The following TENM3 variants were observed in gnomAD, a reference collection of about 807,000 sequenced individuals.
The protein encoded by TENM3 is teneurin-3.
A neutral mutation model predicts 255.1 loss-of-function variants in TENM3; 63 were observed. That is an observed-to-expected ratio of 0.25 (90% CI 0.20 to 0.30). The LOEUF (loss-of-function observed/expected upper bound fraction) is 0.30. Among genes scored for constraint, TENM3 ranks in the 10% least tolerant of loss-of-function variants. TENM3 has a pLI of 1.00. For synonymous variants in TENM3, 1,306 were observed against 1,322.3 expected, an observed-to-expected ratio of 0.99 and a Z score of 0.27; for missense variants, 2,929 against 3,461.1, an observed-to-expected ratio of 0.85 and a Z score of 3.86.
chr4:181,749,129 A>C, the TENM3 span, among the ~76,000 whole-genome samples: 1 of 152,134 alleles, frequency 6.6e-6, no homozygotes, highest in Non-Finnish European at 1.5e-5. Context: ...GATTTCTAGG[A>C]AGAAAATACA....
At chr4:182,606,061 A>C (rs1160931579) in intron 4 of TENM3, among the ~76,000 whole-genome samples, 2 of 152,358 alleles carry the variant, frequency 1.3e-5, no homozygotes, top group Admixed American at 6.5e-5. Context: ...CATTTCTAAT[A>C]GTTTCTATTG....
intron 3 of TENM3, among the ~76,000 whole-genome samples, chr4:182,397,381 C>T (rs974443128): frequency 1.9e-5 from 2 of 107,666 alleles, no homozygotes; most frequent in African/African-American, 7.2e-5. Flanking sequence ...AGCCTGGTGA[C>T]AGAGCGAGAC....
chr4:181,720,546 C>T, the TENM3 span, among the ~76,000 whole-genome samples: 10 of 152,090 alleles, frequency 6.6e-5, no homozygotes, highest in Non-Finnish European at 1.5e-5. Flanking sequence ...CATTGACAAG[C>T]TGTATTTTAA....
the TENM3 span, among the ~76,000 whole-genome samples, chr4:181,842,208 G>A: frequency 1.3e-5 from 2 of 152,102 alleles, no homozygotes; most frequent in African/African-American, 4.8e-5. Context: ...AGGATTACCT[G>A]TGATCTTCCT....
chr4:181,708,481 C>T, the TENM3 span, among the ~76,000 whole-genome samples: 1 of 152,080 alleles, frequency 6.6e-6, no homozygotes, highest in South Asian at 2.1e-4. Context: ...ATCAATTCAA[C>T]CTTCATGAAG....
the TENM3 span, among the ~76,000 whole-genome samples, chr4:181,624,871 ACTCAC>A: frequency 2.0e-5 from 3 of 152,102 alleles, no homozygotes; most frequent in Non-Finnish European, 2.9e-5. Flanking sequence ...CCATGGGCTC[ACTCAC>A]CTCTCTGGTA....
At chr4:181,936,798 G>A in the TENM3 span, among the ~76,000 whole-genome samples, 1 of 151,822 alleles carries the variant, frequency 6.6e-6, no homozygotes, top group Non-Finnish European at 1.5e-5. Context: ...AAGACCCAAG[G>A]AAAGCCCAGG....
chr4:182,051,810 A>C, the TENM3 span, among the ~76,000 whole-genome samples: 1 of 152,196 alleles, frequency 6.6e-6, no homozygotes, highest in Non-Finnish European at 1.5e-5. Context: ...TGAAGATTTC[A>C]GAAGTTTTAA....
the TENM3 span, among the ~76,000 whole-genome samples, chr4:181,811,975 G>A: frequency 6.6e-6 from 1 of 152,118 alleles, no homozygotes; most frequent in African/African-American, 2.4e-5. Context: ...TAATGTTTAG[G>A]GCAAATATTG....
rs180885549 is a variant in TENM3 at position 182,401,881 on chromosome 4, T to C, written c.511+54952T>C. On this transcript the variant is annotated intron_variant, in intron 3 of 27. Transcript: ENST00000511685. The stretch of plus-strand genomic sequence containing the variant: ...TGCTGATGAAAACTTAATAAGGAAT[T>C]GGTCAGGAAGTAGATGAGAAGGGAT... Among the ~76,000 whole-genome samples the C allele has an allele frequency of 1.1e-4, 16 of 152,326 alleles. No individual in the cohort carries two copies. The East Asian group carries it at 3.1e-3, about 29-fold the overall frequency.
At chr4:181,783,828 T>A in the TENM3 span, among the ~76,000 whole-genome samples, 1 of 151,044 alleles carries the variant, frequency 6.6e-6, no homozygotes, top group East Asian at 2.0e-4. Flanking sequence ...GCCTCCAGAG[T>A]CGCTAGGATT....
At chr4:181,878,266 A>G in the TENM3 span, among the ~76,000 whole-genome samples, 1 of 151,970 alleles carries the variant, frequency 6.6e-6, no homozygotes, top group Admixed American at 6.6e-5. Flanking sequence ...GTATGTATAT[A>G]GGTAACATAT....
At chr4:182,670,787 T>G (rs962920612) in intron 6 of TENM3, among the ~76,000 whole-genome samples, 2 of 152,168 alleles carry the variant, frequency 1.3e-5, no homozygotes, top group African/African-American at 4.8e-5. Context: ...CGTAGTAATC[T>G]TCAATTCTGT....
At chr4:181,523,001 A>G in the TENM3 span, 85 of 646,184 alleles carry the variant, frequency 1.3e-4, 1 homozygote, top group East Asian at 2.7e-3. Flanking sequence ...AACTCAATGC[A>G]TCAGTCCTAT....
the TENM3 span, among the ~76,000 whole-genome samples, chr4:181,653,557 C>T: frequency 4.6e-5 from 7 of 152,036 alleles, no homozygotes; most frequent in South Asian, 2.1e-4. Context: ...CCCACCACCA[C>T]ACCCGGCTAA....
At chr4:182,737,134 A>G (rs1761231562) in intron 17 of TENM3, 59 bp downstream of exon 17, 1 of 1,536,248 alleles carries the variant, frequency 6.5e-7, no homozygotes. Flanking sequence ...GAACTATCAT[A>G]AATTAATTGT....
At chr4:181,864,320 T>A in the TENM3 span, among the ~76,000 whole-genome samples, 1 of 152,132 alleles carries the variant, frequency 6.6e-6, no homozygotes, top group African/African-American at 2.4e-5. Flanking sequence ...TCAGCATCAA[T>A]GCACTGATAA....
At chr4:182,099,972 C>T in the TENM3 span, among the ~76,000 whole-genome samples, 219 of 152,214 alleles carry the variant, frequency 1.4e-3, 1 homozygote, top group African/African-American at 4.9e-3. Flanking sequence ...AAACTCCTGT[C>T]CCGCAAGACT....
intron 3 of TENM3, among the ~76,000 whole-genome samples, chr4:182,594,412 G>T (rs987771960): frequency 3.9e-5 from 6 of 152,042 alleles, no homozygotes; most frequent in African/African-American, 1.4e-4. Context: ...TCTGTCCCAG[G>T]TACTCAGGAA....
Sources: allele counts gnomAD v4.1 joint callset (sites outside exome capture counted in the v4.1 genomes callset), GRCh38; gene constraint gnomAD v4.1.1; transcripts MANE v1.5; gene names NCBI Gene and HGNC (gene_info 2026-07-23, HGNC 2026-07-21).